Variants in PIGU observed in about 807,000 individuals in gnomAD.
The protein encoded by PIGU is GPI-anchor transamidase component PIGU.
A neutral mutation model predicts 49.9 loss-of-function variants in PIGU; 24 were observed. The ratio of observed to expected loss-of-function variants is 0.48; its 90% confidence interval spans 0.35 to 0.68. The LOEUF is 0.68. PIGU is among the 30% of genes least tolerant of loss of function. The probability of loss-of-function intolerance (pLI) is 0.01; values close to 1 mark genes in which losing one functional copy is unlikely to be tolerated. For synonymous variants in PIGU, 220 were observed against 205.7 expected (o/e 1.07, Z -0.59); for missense variants, 490 against 532.6 (o/e 0.92, Z 0.79).
chr20:34,674,409 A>G (rs1413377753), intron 1 of PIGU, among the ~76,000 whole-genome samples: 1 of 152,140 alleles, frequency 6.6e-6, no homozygotes, highest in African/African-American at 2.4e-5. Context: ...AGAAAGAGTC[A>G]AACCTTTTCT....
At chr20:34,673,430 A>G (rs1987377765) in intron 1 of PIGU, among the ~76,000 whole-genome samples, 1 of 152,142 alleles carries the variant, frequency 6.6e-6, no homozygotes, top group Non-Finnish European at 1.5e-5. Flanking sequence ...TCCCTCCCAA[A>G]TGATACAAAT....
chr20:34,591,758 A>G (rs144883846), intron 7 of PIGU, among the ~76,000 whole-genome samples: 1 of 152,344 alleles, frequency 6.6e-6, no homozygotes, highest in African/African-American at 2.4e-5. Context: ...AATCTCTTGA[A>G]TTGTATTATA....
chr20:34,673,277 A>T (rs1266160767), intron 1 of PIGU, among the ~76,000 whole-genome samples: 1 of 149,064 alleles, frequency 6.7e-6, no homozygotes, highest in Non-Finnish European at 1.5e-5. Context: ...AAAAAAATGT[A>T]AAATGTCATG....
intron 6 of PIGU, among the ~76,000 whole-genome samples, chr20:34,617,420 A>G (rs996023368): frequency 6.6e-6 from 1 of 152,226 alleles, no homozygotes; most frequent in Admixed American, 6.5e-5. Context: ...GATGTGAGAC[A>G]TGGAGTCAAA....
At chr20:34,592,061 C>T (rs961206208) in intron 7 of PIGU, among the ~76,000 whole-genome samples, 3 of 151,682 alleles carry the variant, frequency 2.0e-5, no homozygotes, top group Non-Finnish European at 2.9e-5. Context: ...GGTGGTTGGG[C>T]GCCTGTAGTC....
At chr20:34,598,592 C>A (rs1185334806) in intron 7 of PIGU, among the ~76,000 whole-genome samples, 1 of 152,216 alleles carries the variant, frequency 6.6e-6, no homozygotes, top group Non-Finnish European at 1.5e-5. Flanking sequence ...GCAGTTCACA[C>A]AAACTATTCT....
At chr20:34,628,995 C>T (rs1233755694) in intron 6 of PIGU, among the ~76,000 whole-genome samples, 6 of 151,676 alleles carry the variant, frequency 4.0e-5, no homozygotes, top group Non-Finnish European at 8.8e-5. Context: ...GAAATCTCCA[C>T]CCCTGGGCTC....
intron 7 of PIGU, among the ~76,000 whole-genome samples, chr20:34,610,439 T>C (rs1984770746): frequency 6.6e-6 from 1 of 152,066 alleles, no homozygotes; most frequent in Non-Finnish European, 1.5e-5. Flanking sequence ...AAATCATGAG[T>C]GAACGCCCAT....
intron 8 of PIGU, among the ~76,000 whole-genome samples, chr20:34,586,627 G>A (rs1486980995): frequency 6.6e-6 from 1 of 152,132 alleles, no homozygotes; most frequent in Non-Finnish European, 1.5e-5. Context: ...CCAAAGCTTA[G>A]GGAGCAACCG....
intron 7 of PIGU, among the ~76,000 whole-genome samples, chr20:34,594,611 T>A (rs1984118774): frequency 6.6e-6 from 1 of 152,126 alleles, no homozygotes; most frequent in African/African-American, 2.4e-5. Flanking sequence ...CCATCTCTAC[T>A]AAAAATACAA....
intron 11 of PIGU, among the ~76,000 whole-genome samples, chr20:34,568,047 T>C (rs1982850039): frequency 6.6e-6 from 1 of 152,162 alleles, no homozygotes; most frequent in Non-Finnish European, 1.5e-5. Flanking sequence ...CTCTGTCTCA[T>C]TCACCCCTCG....
At chr20:34,617,285 G>C (rs950124567) in intron 6 of PIGU, among the ~76,000 whole-genome samples, 3 of 152,138 alleles carry the variant, frequency 2.0e-5, no homozygotes, top group African/African-American at 4.8e-5. Context: ...CGTGGGCCTG[G>C]AAAAGCCACA....
chr20:34,622,027 G>A (rs991043382), intron 6 of PIGU, among the ~76,000 whole-genome samples: 3 of 152,240 alleles, frequency 2.0e-5, no homozygotes, highest in South Asian at 4.2e-4. Flanking sequence ...TGTGTGTACT[G>A]TAATTAGCTC....
At chr20:34,672,854 C>CT (rs201171412) in intron 1 of PIGU, among the ~76,000 whole-genome samples, 2,500 of 68,716 alleles carry the variant, frequency 0.036, 191 homozygotes, top group African/African-American at 0.056. Flanking sequence ...GACCCTGTCT[C>CT]TCAAAAAAAA....
chr20:34,654,065 GC>G (rs1803756770), intron 2 of PIGU, among the ~76,000 whole-genome samples: 1 of 119,294 alleles, frequency 8.4e-6, no homozygotes, highest in South Asian at 2.4e-4. Flanking sequence ...CGCCATATTG[GC>G]CAGGCTGGTC....
intron 6 of PIGU, among the ~76,000 whole-genome samples, chr20:34,620,481 G>T (rs1269975696): frequency 6.6e-6 from 1 of 152,116 alleles, no homozygotes; most frequent in African/African-American, 2.4e-5. Flanking sequence ...CACTTGCTAG[G>T]TGCCAGGCAC....
At chr20:34,603,703 T>C (rs1984511611) in intron 7 of PIGU, among the ~76,000 whole-genome samples, 1 of 152,176 alleles carries the variant, frequency 6.6e-6, no homozygotes. Context: ...TCTAGGATCA[T>C]CCTATACATT....
chr20:34,676,496 C>T (rs1424082540), intron 1 of PIGU, among the ~76,000 whole-genome samples: 2 of 152,190 alleles, frequency 1.3e-5, no homozygotes, highest in Non-Finnish European at 2.9e-5. Flanking sequence ...CTAAAGCACA[C>T]GCACACTCTC....
intron 7 of PIGU, among the ~76,000 whole-genome samples, chr20:34,607,209 G>A (rs1239024950): frequency 1.3e-5 from 2 of 152,174 alleles, no homozygotes; most frequent in Non-Finnish European, 2.9e-5. Context: ...TGCACAAGAG[G>A]CAGGTAGAAA....
Sources: allele counts gnomAD v4.1 joint callset (sites outside exome capture counted in the v4.1 genomes callset), GRCh38; gene constraint gnomAD v4.1.1; transcripts MANE v1.5; gene names NCBI Gene and HGNC (gene_info 2026-07-23, HGNC 2026-07-21).